SCARA5: variants seen among roughly 807,000 people sequenced by gnomAD.
SCARA5 encodes scavenger receptor class A member 5.
SCARA5 carries 45 observed loss-of-function variants against 46.3 expected under a neutral mutation model. That is an observed-to-expected ratio of 0.97 (90% confidence interval 0.76 to 1.24). The LOEUF is 1.24. SCARA5 is among the 50% of genes most tolerant of loss of function. The pLI is 0.00. For synonymous variants in SCARA5, 333 were observed against 306.5 expected (o/e 1.09, Z -0.90); for missense variants, 680 against 689.0 (o/e 0.99, Z 0.15).
At chr8:27,913,037 T>A (rs988987383) in intron 4 of SCARA5, among the ~76,000 whole-genome samples, 1 of 151,586 alleles carries the variant, frequency 6.6e-6, no homozygotes, top group African/African-American at 2.4e-5. Context: ...GCCTCCTCAC[T>A]TTGCATAACA....
At chr8:27,965,026 C>T (rs949000643) in intron 3 of SCARA5, among the ~76,000 whole-genome samples, 11 of 152,176 alleles carry the variant, frequency 7.2e-5, no homozygotes, top group Non-Finnish European at 5.9e-5. Flanking sequence ...CTGGCCCACT[C>T]GGCCTGCGAG....
At chr8:27,892,810 G>A (rs943636742) in intron 7 of SCARA5, among the ~76,000 whole-genome samples, 1 of 152,062 alleles carries the variant, frequency 6.6e-6, no homozygotes, top group Non-Finnish European at 1.5e-5. Context: ...GTTTCACCGT[G>A]TTAGACAGGA....
At chr8:27,987,834 G>C (rs1056429452) in intron 1 of SCARA5, among the ~76,000 whole-genome samples, 7 of 152,202 alleles carry the variant, frequency 4.6e-5, no homozygotes, top group Non-Finnish European at 1.0e-4. Flanking sequence ...CCCACTCCCA[G>C]CTTCCTCAGG....
intron 3 of SCARA5, among the ~76,000 whole-genome samples, chr8:27,954,213 G>C (rs897223986): frequency 9.2e-5 from 14 of 152,118 alleles, no homozygotes; most frequent in Admixed American, 8.5e-4. Context: ...AAAAGGACTA[G>C]AAGAGGCCAG....
intron 2 of SCARA5, among the ~76,000 whole-genome samples, chr8:27,986,411 AG>A (rs1474293165): frequency 6.6e-6 from 1 of 152,208 alleles, no homozygotes; most frequent in African/African-American, 2.4e-5. Flanking sequence ...TGGGATCATA[AG>A]CCCTTTGAGG....
chr8:27,947,208 C>T (rs1004422260), intron 3 of SCARA5, among the ~76,000 whole-genome samples: 4 of 152,100 alleles, frequency 2.6e-5, no homozygotes, highest in East Asian at 1.9e-4. Flanking sequence ...GACAGGGTTT[C>T]GCCGTGTTGG....
In SCARA5 at chr8:27,871,708, G is replaced by A. The variant is rs1195344299; in HGVS notation, c.*226C>T. 15 of 1,393,668 alleles carry A rather than the reference G, an allele frequency of 1.1e-5. No individual in the cohort carries two copies. Among genetic ancestry groups the A allele is most frequent in the Middle Eastern group, 5.3e-4 (2 of 3,750 alleles). The allele number at this position is 1,393,668 out of a possible 1,614,324, so 86.3% of individuals were successfully genotyped here. A position where few individuals can be genotyped will look rare whatever the true frequency, so the allele number is the denominator to read the frequency against. On this transcript the variant is annotated 3_prime_UTR_variant, in exon 9 of 9. Transcript: ENST00000354914. ...TCAGGGCTCCTCATGCAGGAACCTGGTGGAAGAGAGAGACGGGCAGTAGGT... is the reference window on the plus strand; with the variant it reads ...TCAGGGCTCCTCATGCAGGAACCTGATGGAAGAGAGAGACGGGCAGTAGGT...
chr8:27,922,509 T>C (rs931523681), intron 3 of SCARA5, among the ~76,000 whole-genome samples: 5 of 152,238 alleles, frequency 3.3e-5, no homozygotes, highest in Admixed American at 6.5e-5. Flanking sequence ...CGGTGTTACC[T>C]GGGCTTTGGA....
chr8:27,871,382 G>A lies in SCARA5; in HGVS notation c.*552C>T, dbSNP rs1178666987. 2.1e-6 allele frequency: 2 copies of A among 965,750 alleles called. No homozygotes were observed. Among genetic ancestry groups the A allele is most frequent in the Admixed American group, 6.1e-5 (1 of 16,454 alleles). The allele number at this position is 965,750 out of a possible 1,614,324, so 59.8% of individuals were successfully genotyped here. A position where few individuals can be genotyped will look rare whatever the true frequency, so the allele number is the denominator to read the frequency against. ...GCATTTCCCTCTTGCCCCTACAGCT[G>A]GCTTCTCCTCTATGTCACTTCCTCA... On this transcript the variant is annotated 3_prime_UTR_variant, in exon 9 of 9. Transcript: ENST00000354914.
intron 7 of SCARA5, among the ~76,000 whole-genome samples, chr8:27,885,345 C>T (rs577315462): frequency 6.6e-6 from 1 of 152,290 alleles, no homozygotes; most frequent in South Asian, 2.1e-4. Flanking sequence ...AGCTTAGATG[C>T]CTCTTCTCCT....
chr8:27,965,431 G>A (rs186388616), intron 3 of SCARA5, among the ~76,000 whole-genome samples: 1 of 152,304 alleles, frequency 6.6e-6, no homozygotes, highest in East Asian at 1.9e-4. Context: ...TGCAGCAGCC[G>A]CACCTCCCTC....
intron 2 of SCARA5, among the ~76,000 whole-genome samples, chr8:27,967,116 A>T (rs34753513): frequency 0.2 from 30,066 of 152,248 alleles, 3,377 homozygotes; most frequent in Non-Finnish European, 0.26. Flanking sequence ...CATCAAACAC[A>T]AAACACTGGG....
chr8:27,925,525 T>C (rs560461715), intron 3 of SCARA5, among the ~76,000 whole-genome samples: 16 of 152,208 alleles, frequency 1.1e-4, no homozygotes, highest in Admixed American at 5.9e-4. Flanking sequence ...CCTAAAACCA[T>C]AAAAACCCTA....
chr8:27,906,867 T>A (rs1161330902), intron 6 of SCARA5, among the ~76,000 whole-genome samples: 1 of 152,108 alleles, frequency 6.6e-6, no homozygotes, highest in Non-Finnish European at 1.5e-5. Context: ...ACTTGGCTAA[T>A]TATTTTATAT....
chr8:27,876,969 T>C (rs1806734857), intron 8 of SCARA5, among the ~76,000 whole-genome samples: 1 of 152,088 alleles, frequency 6.6e-6, no homozygotes, highest in African/African-American at 2.4e-5. Flanking sequence ...CAGCTTTCCC[T>C]CCTCTCGGCC....
At chr8:27,897,577 A>G (rs1039943392) in intron 7 of SCARA5, among the ~76,000 whole-genome samples, 2 of 152,242 alleles carry the variant, frequency 1.3e-5, no homozygotes, top group African/African-American at 4.8e-5. Context: ...AAGCCACTGC[A>G]TGTCTGCCAG....
At chr8:27,981,861 G>A (rs184452221) in intron 2 of SCARA5, among the ~76,000 whole-genome samples, 15 of 152,322 alleles carry the variant, frequency 9.8e-5, no homozygotes, top group Admixed American at 1.3e-4. Flanking sequence ...CTGCACCAGA[G>A]CCTGATGCGG....
intron 6 of SCARA5, among the ~76,000 whole-genome samples, chr8:27,906,524 C>T (rs1456560681): frequency 1.3e-5 from 2 of 152,230 alleles, no homozygotes; most frequent in African/African-American, 4.8e-5. Flanking sequence ...GCCTGCAGCC[C>T]TGGTGTCTGC....
intron 7 of SCARA5, among the ~76,000 whole-genome samples, chr8:27,894,787 G>A (rs957680682): frequency 7.6e-4 from 116 of 152,318 alleles, no homozygotes; most frequent in African/African-American, 2.5e-3. Context: ...GGGAAGCTGC[G>A]TGAAGGGGGC....
Sources: gnomAD v4.1 joint callset for allele counts (sites outside exome capture counted in the v4.1 genomes callset) on GRCh38, gnomAD v4.1.1 for gene constraint, MANE v1.5 for transcripts, NCBI Gene and HGNC (gene_info 2026-07-23, HGNC 2026-07-21) for gene names.